The following KIAA1549L variants were observed in gnomAD, a reference collection of about 807,000 sequenced individuals.
KIAA1549L encodes UPF0606 protein KIAA1549L.
KIAA1549L carries 88 observed loss-of-function variants against 160.7 expected under a neutral mutation model. That is an observed-to-expected ratio of 0.55 (90% confidence interval 0.46 to 0.65). The LOEUF (loss-of-function observed/expected upper bound fraction) is 0.65. KIAA1549L is among the 30% of genes least tolerant of loss of function. The probability of loss-of-function intolerance (pLI) is 0.00; values close to 1 mark genes in which losing one functional copy is unlikely to be tolerated. For missense variants in KIAA1549L, 2,258 were observed against 2,437.5 expected (o/e 0.93, Z 1.55); for synonymous variants, 950 against 976.7 (o/e 0.97, Z 0.51).
intron 16 of KIAA1549L, among the ~76,000 whole-genome samples, chr11:33,629,714 T>C (rs1395310989): frequency 1.3e-5 from 2 of 151,182 alleles, no homozygotes; most frequent in Admixed American, 6.6e-5. Flanking sequence ...AGTTTTCAAC[T>C]TCTTTGCCTT....
intron 13 of KIAA1549L, among the ~76,000 whole-genome samples, chr11:33,603,816 A>G (rs1321049306): frequency 6.6e-6 from 1 of 151,472 alleles, no homozygotes; most frequent in Non-Finnish European, 1.5e-5. Flanking sequence ...AAAAAAAAAA[A>G]GAAAGAAAAA....
chr11:33,470,741 C>G (rs1852162089), intron 1 of KIAA1549L, among the ~76,000 whole-genome samples: 1 of 152,202 alleles, frequency 6.6e-6, no homozygotes, highest in South Asian at 2.1e-4. Flanking sequence ...GAATGAGCCA[C>G]TGTGCTCAGG....
At chr11:33,400,738 T>C (rs965235344) in intron 1 of KIAA1549L, among the ~76,000 whole-genome samples, 14 of 152,194 alleles carry the variant, frequency 9.2e-5, no homozygotes, top group African/African-American at 3.4e-4. Flanking sequence ...ATCCAAATTA[T>C]AGTAATAGTA....
Position 33,544,266 on chromosome 11 carries a change from A to G in KIAA1549L, c.2703A>G (p.Ile901Met). 2 of 1,613,948 alleles carry G rather than the reference A, an allele frequency of 1.2e-6. No homozygotes were observed. The highest frequency in any genetic ancestry group is 1.7e-6 in the Non-Finnish European group (2 of 1,179,870). The change falls in exon 2 of 21, where the codon ATA (isoleucine) becomes ATG (methionine). Residue 901 changes from isoleucine to methionine, a missense_variant. Physicochemically the swap from Ile to Met is conservative, Grantham distance 10 (BLOSUM62 1). This residue lies in a region of KIAA1549L where 287 missense variants were observed against 292.3 expected (regional missense o/e 0.98). Transcript: ENST00000658780. ...ATCACTCTGCTGCTGAATCTTCTAT[A>G]TCGACCAGTGTCTTTCCCAGGACCT... ...LGYHSAAESS[I>M]STSVFPRTSS...
intron 4 of KIAA1549L, among the ~76,000 whole-genome samples, chr11:33,550,817 A>G (rs1854434224): frequency 6.6e-6 from 1 of 152,218 alleles, no homozygotes; most frequent in Admixed American, 6.5e-5. Context: ...ATTTAATTCT[A>G]TACCATGAAG....
intron 13 of KIAA1549L, among the ~76,000 whole-genome samples, chr11:33,600,313 G>A (rs1017526287): frequency 1.3e-5 from 2 of 152,180 alleles, no homozygotes; most frequent in African/African-American, 2.4e-5. Flanking sequence ...GTGAGCACAC[G>A]GAGTCAGAGG....
chr11:33,391,871 A>G (rs1419999162), intron 1 of KIAA1549L, among the ~76,000 whole-genome samples: 1 of 152,230 alleles, frequency 6.6e-6, no homozygotes, highest in African/African-American at 2.4e-5. Context: ...GGGCATAGCA[A>G]GAGAAAAATT....
intron 16 of KIAA1549L, among the ~76,000 whole-genome samples, chr11:33,631,060 C>T (rs553976744): frequency 6.6e-6 from 1 of 152,140 alleles, no homozygotes; most frequent in Non-Finnish European, 1.5e-5. Flanking sequence ...AGGGTTTGTT[C>T]CTTCCTGTCT....
At chr11:33,412,972 T>C (rs373529333) in intron 1 of KIAA1549L, among the ~76,000 whole-genome samples, 16 of 152,280 alleles carry the variant, frequency 1.1e-4, no homozygotes, top group African/African-American at 2.9e-4. Context: ...ATGAATATAC[T>C]GCACTTTCAG....
chr11:33,565,627 CA>C (rs1855022225), intron 8 of KIAA1549L, among the ~76,000 whole-genome samples: 1 of 151,742 alleles, frequency 6.6e-6, no homozygotes, highest in Admixed American at 6.6e-5. Flanking sequence ...AGAGTGGTGA[CA>C]AAGCTGTGGA....
At chr11:33,656,996 AGAT>A (rs1207363947) in intron 18 of KIAA1549L, among the ~76,000 whole-genome samples, 2 of 152,150 alleles carry the variant, frequency 1.3e-5, no homozygotes, top group East Asian at 3.9e-4. Context: ...ACAGGGGCCT[AGAT>A]GATCTCAAAA....
intron 1 of KIAA1549L, among the ~76,000 whole-genome samples, chr11:33,456,285 A>G (rs1169219908): frequency 2.0e-5 from 3 of 152,200 alleles, no homozygotes; most frequent in Admixed American, 6.5e-5. Context: ...TGGGAATGTC[A>G]TAACGGTCAT....
intron 18 of KIAA1549L, among the ~76,000 whole-genome samples, chr11:33,656,653 C>T (rs1267744796): frequency 6.6e-6 from 1 of 152,214 alleles, no homozygotes; most frequent in African/African-American, 2.4e-5. Flanking sequence ...AGAACAAAAG[C>T]CCTGAGCACT....
At chr11:33,418,885 CT>C (rs60307209) in intron 1 of KIAA1549L, among the ~76,000 whole-genome samples, 95 of 139,516 alleles carry the variant, frequency 6.8e-4, no homozygotes, top group Admixed American at 1.0e-3. Context: ...GCATTCCTAG[CT>C]TTTTTTTTTT....
chr11:33,384,327 C>T (rs1850130429), intron 1 of KIAA1549L, among the ~76,000 whole-genome samples: 1 of 152,180 alleles, frequency 6.6e-6, no homozygotes. Flanking sequence ...CTTTTTATTG[C>T]AGAATAGTAT....
chr11:33,572,450 C>T (rs1855295463), intron 9 of KIAA1549L, among the ~76,000 whole-genome samples: 1 of 152,226 alleles, frequency 6.6e-6, no homozygotes, highest in Non-Finnish European at 1.5e-5. Flanking sequence ...TTACATATAT[C>T]ATTTCCAAAC....
intron 1 of KIAA1549L, among the ~76,000 whole-genome samples, chr11:33,440,962 C>T (rs190019255): frequency 1.3e-5 from 2 of 152,018 alleles, no homozygotes; most frequent in East Asian, 3.9e-4. Context: ...AGTACATGTG[C>T]ACAACGTGCA....
chr11:33,597,855 G>A (rs999420327), intron 12 of KIAA1549L, among the ~76,000 whole-genome samples: 1 of 152,186 alleles, frequency 6.6e-6, no homozygotes, highest in African/African-American at 2.4e-5. Flanking sequence ...GGACTGATTC[G>A]CCACTTTCCT....
intron 1 of KIAA1549L, among the ~76,000 whole-genome samples, chr11:33,533,431 T>C (rs192580709): frequency 1.4e-4 from 21 of 152,366 alleles, no homozygotes; most frequent in Admixed American, 1.3e-3. Flanking sequence ...TAATTCCTTT[T>C]ATGTTTCACA....
Sources: allele counts gnomAD v4.1 joint callset (sites outside exome capture counted in the v4.1 genomes callset), GRCh38; gene constraint gnomAD v4.1.1; regional missense constraint gnomAD v4.1.1; transcripts MANE v1.5; gene names NCBI Gene and HGNC (gene_info 2026-07-23, HGNC 2026-07-21).